The following DZIP1L variants were observed in gnomAD, a reference collection of about 807,000 sequenced individuals.
DZIP1L encodes cilium assembly protein DZIP1L.
DZIP1L carries 90 observed loss-of-function variants against 88.7 expected under a neutral mutation model. The observed-to-expected ratio is 1.02, with a 90% CI of 0.86 to 1.21. DZIP1L has a LOEUF of 1.21. Ranked by LOEUF, DZIP1L falls within the 50% of genes most tolerant of loss-of-function variation. The pLI is 0.00. For missense variants in DZIP1L, 932 were observed against 955.8 expected, an observed-to-expected ratio of 0.98 and a Z score of 0.33; for synonymous variants, 363 against 372.1, an observed-to-expected ratio of 0.98 and a Z score of 0.28.
At chr3:138,064,879 C>T in intron 14 of DZIP1L, 112 bp from the exon 15 acceptor site, 1 of 1,457,734 alleles carries the variant, frequency 6.9e-7, no homozygotes, top group Non-Finnish European at 9.2e-7. Context: ...AGCAGAAGGG[C>T]CAGGAGGAAG....
intron 1 of DZIP1L, among the ~76,000 whole-genome samples, chr3:138,114,783 G>A (rs1293819274): frequency 1.3e-5 from 2 of 152,136 alleles, no homozygotes; most frequent in Non-Finnish European, 2.9e-5. Context: ...CCTGCACTGA[G>A]CAGGTCTTCG....
intron 8 of DZIP1L, 117 bp downstream of exon 8, chr3:138,083,996 C>G (rs1041114435): frequency 6.0e-5 from 86 of 1,425,216 alleles, no homozygotes; most frequent in Non-Finnish European, 7.5e-5. Flanking sequence ...CTTCTCTCTC[C>G]TTAAGGAGCC....
At chr3:138,086,808 T>C (rs914101748) in intron 7 of DZIP1L, among the ~76,000 whole-genome samples, 153 bp downstream of exon 7, 3 of 152,104 alleles carry the variant, frequency 2.0e-5, no homozygotes, top group Non-Finnish European at 2.9e-5. Flanking sequence ...TGTGTACTGA[T>C]GGGGACAGTA....
intron 2 of DZIP1L, chr3:138,101,422 G>A (rs545652715): frequency 4.9e-5 from 35 of 712,770 alleles, no homozygotes; most frequent in Middle Eastern, 3.8e-4. Context: ...AGCCTCCCCC[G>A]CTGGGCTCTG....
chr3:138,081,338 AT>A (rs1943638207), intron 9 of DZIP1L, among the ~76,000 whole-genome samples: 1 of 152,164 alleles, frequency 6.6e-6, no homozygotes, highest in African/African-American at 2.4e-5. Context: ...AACAGGACAC[AT>A]TCACATGGGG....
At position 138,062,825 on chromosome 3, in the gene DZIP1L, AG is replaced by A; in HGVS notation, c.2294del (p.Pro765LeufsTer12). The A allele has an allele frequency of 1.9e-6, 3 of 1,613,998 alleles. No individual in the cohort carries two copies. Among genetic ancestry groups the A allele is most frequent in the Middle Eastern group, 1.7e-4 (1 of 5,906 alleles). Reference sequence around the variant, plus strand: ...TAGCTTCTGGGGTGAATCACCAGGCAGGGACCCTGGGTTGGCCAGAGCTCTG... The same window carrying A: ...TAGCTTCTGGGGTGAATCACCAGGCAGGACCCTGGGTTGGCCAGAGCTCTG... ...GPQSSGQPRV[P>X]AW is the part of the protein sequence containing the mutation. On this transcript the variant is annotated frameshift_variant, in exon 16 of 16. Transcript: ENST00000327532. LOFTEE classifies it high-confidence loss of function.
chr3:138,097,810 A>C lies in DZIP1L; in HGVS notation c.539T>G (p.Phe180Cys). ...LCDKTFMNAT[F>C]LRGHIQRRHA... The stretch of plus-strand genomic sequence containing the variant: ...CCTGCGCTGGATGTGGCCCCGGAGA[A>C]AGGTGGCATTCATGAATGTCTTGTC... The change falls in exon 3 of 16, where the codon TTT (phenylalanine) becomes TGT (cysteine). Residue 180 changes from phenylalanine to cysteine, a missense_variant. Transcript: ENST00000327532. The C allele has an allele frequency of 6.2e-7, 1 of 1,613,350 alleles. No individual in the cohort carries two copies. The highest frequency in any genetic ancestry group is 8.5e-7 in the Non-Finnish European group (1 of 1,179,726).
At chr3:138,064,798 G>A in intron 14 of DZIP1L, 31 bp from the exon 15 acceptor site, 1 of 1,540,994 alleles carries the variant, frequency 6.5e-7, no homozygotes, top group Non-Finnish European at 8.7e-7. Context: ...TGTGTCAGTG[G>A]GAGAAGCCTA....
At chr3:138,066,666 C>T (rs1320317467) in intron 14 of DZIP1L, among the ~76,000 whole-genome samples, 3 of 151,968 alleles carry the variant, frequency 2.0e-5, no homozygotes, top group Non-Finnish European at 4.4e-5. Context: ...GAGCTGAGCA[C>T]GCGGTGAGCA....
At chr3:138,104,805 A>G (rs1460140356) in intron 1 of DZIP1L, among the ~76,000 whole-genome samples, 2 of 152,206 alleles carry the variant, frequency 1.3e-5, no homozygotes, top group Admixed American at 1.3e-4. Flanking sequence ...TTCTTTGCCA[A>G]GACTCAGATT....
intron 3 of DZIP1L, among the ~76,000 whole-genome samples, chr3:138,096,999 G>A (rs192663820): frequency 3.7e-4 from 56 of 152,176 alleles, no homozygotes; most frequent in Admixed American, 3.6e-3. Flanking sequence ...GGCCAACACA[G>A]TGAGACCTCA....
chr3:138,102,598 T>G, intron 2 of DZIP1L: 2 of 1,471,834 alleles, frequency 1.4e-6, no homozygotes, highest in Non-Finnish European at 1.9e-6. Flanking sequence ...CCATACCTTG[T>G]CTATGAAGGA....
At chr3:138,082,464 T>C (rs185810752) in intron 8 of DZIP1L, among the ~76,000 whole-genome samples, 183 of 152,324 alleles carry the variant, frequency 1.2e-3, no homozygotes, top group African/African-American at 4.3e-3. Context: ...AAGCTGATCT[T>C]CAGGGTAAAA....
rs1576498377 is a variant in DZIP1L at position 138,103,055 on chromosome 3, T to C, written c.501+416A>G. On this transcript the variant is annotated intron_variant, in intron 2 of 15. Coordinates refer to ENST00000327532, the MANE Select transcript of DZIP1L (RefSeq NM_173543.3). ...CAGAGTTGTATCCTTTATAACATAGTACAAGCACACATTACACACCACACA... is the reference window on the plus strand; with the variant it reads ...CAGAGTTGTATCCTTTATAACATAGCACAAGCACACATTACACACCACACA... 6.9e-6 allele frequency: 3 copies of C among 435,488 alleles called. No homozygotes were observed. In the South Asian group the frequency reaches 7.3e-5, roughly 11 times the overall value. The allele number at this position is 435,488 out of a possible 1,614,324, so 27.0% of individuals were successfully genotyped here.
At chr3:138,102,408 C>A in intron 2 of DZIP1L, 2 of 1,353,220 alleles carry the variant, frequency 1.5e-6, no homozygotes, top group Non-Finnish European at 2.1e-6. Flanking sequence ...CTCCACCCAG[C>A]CCCTGCATGT....
chr3:138,107,816 C>A (rs1290315717), intron 1 of DZIP1L, among the ~76,000 whole-genome samples: 1 of 152,202 alleles, frequency 6.6e-6, no homozygotes, highest in Non-Finnish European at 1.5e-5. Flanking sequence ...TGGAGCTCAG[C>A]ATGGCTCCCT....
chr3:138,084,094 AAAGG>A lies in DZIP1L; in HGVS notation c.1203+15_1203+18del. The stretch of plus-strand genomic sequence containing the variant: ...GCCCAGGGACACCAAGGCCTGGCTG[AAAGG>A]AAGGGCAGACCTACCATCTCCTCCT... On this transcript the variant is annotated intron_variant, in intron 8 of 15. Transcript: ENST00000327532. 6.2e-7 allele frequency: 1 copy of A among 1,611,678 alleles called. No homozygotes were observed. Among genetic ancestry groups the A allele is most frequent in the South Asian group, 1.1e-5 (1 of 90,760 alleles).
At chr3:138,088,108 C>T (rs1944030858) in intron 6 of DZIP1L, among the ~76,000 whole-genome samples, 1 of 152,226 alleles carries the variant, frequency 6.6e-6, no homozygotes, top group African/African-American at 2.4e-5. Context: ...TTGCTTCCAA[C>T]TGGGTTAGAA....
At chr3:138,110,638 G>A (rs958287673) in intron 1 of DZIP1L, among the ~76,000 whole-genome samples, 1 of 152,064 alleles carries the variant, frequency 6.6e-6, no homozygotes, top group African/African-American at 2.4e-5. Context: ...AATGATTCCT[G>A]AGGCCCTACT....
Sources: gnomAD v4.1 joint callset for allele counts (sites outside exome capture counted in the v4.1 genomes callset) on GRCh38, gnomAD v4.1.1 for gene constraint, MANE v1.5 for transcripts, NCBI Gene and HGNC (gene_info 2026-07-23, HGNC 2026-07-21) for gene names.